OPCML: variants seen among roughly 807,000 people sequenced by gnomAD.
OPCML encodes opioid binding protein/cell adhesion molecule like.
A neutral mutation model predicts 37.8 loss-of-function variants in OPCML; 13 were observed. That is an observed-to-expected ratio of 0.34 (90% CI 0.22 to 0.55). The LOEUF is 0.55. Among genes scored for constraint, OPCML ranks in the 20% least tolerant of loss-of-function variants. OPCML has a pLI of 0.91. For missense variants in OPCML, 341 were observed against 435.6 expected, an observed-to-expected ratio of 0.78 and a Z score of 1.93; for synonymous variants, 176 against 168.8, an observed-to-expected ratio of 1.04 and a Z score of -0.33.
At chr11:132,836,824 G>A (rs1041360336) in intron 2 of OPCML, among the ~76,000 whole-genome samples, 1 of 152,140 alleles carries the variant, frequency 6.6e-6, no homozygotes, top group African/African-American at 2.4e-5. Flanking sequence ...GCAGGGGGTG[G>A]TGCTGTGAGT....
chr11:133,145,941 G>A (rs560827126), intron 1 of OPCML, among the ~76,000 whole-genome samples: 12 of 152,240 alleles, frequency 7.9e-5, no homozygotes, highest in East Asian at 5.8e-4. Context: ...TTACACTGGC[G>A]AATACCTTAC....
chr11:132,668,496 A>G (rs191294771), intron 2 of OPCML, among the ~76,000 whole-genome samples: 45 of 152,290 alleles, frequency 3.0e-4, no homozygotes, highest in African/African-American at 1.0e-3. Context: ...ACACAGTGCT[A>G]TTATGAGGAC....
chr11:132,470,133 C>G (rs530502945), intron 4 of OPCML, among the ~76,000 whole-genome samples: 1 of 152,124 alleles, frequency 6.6e-6, no homozygotes, highest in East Asian at 1.9e-4. Flanking sequence ...TAAAAGATGA[C>G]TACTGAATAG....
chr11:132,439,711 T>C (rs2096025750), intron 4 of OPCML, among the ~76,000 whole-genome samples: 2 of 146,580 alleles, frequency 1.4e-5, no homozygotes, highest in Non-Finnish European at 3.0e-5. Context: ...TTTTTTTTTT[T>C]TCCTGAAAGA....
At chr11:133,470,688 A>G (rs1254874832) in intron 1 of OPCML, among the ~76,000 whole-genome samples, 1 of 152,190 alleles carries the variant, frequency 6.6e-6, no homozygotes, top group Non-Finnish European at 1.5e-5. Flanking sequence ...TGATCTTTCT[A>G]TTGCACTTTG....
chr11:133,219,734 G>A (rs1159011865), intron 1 of OPCML, among the ~76,000 whole-genome samples: 1 of 152,154 alleles, frequency 6.6e-6, no homozygotes, highest in Non-Finnish European at 1.5e-5. Context: ...TTCTCAAGCG[G>A]GGACAACTGT....
At chr11:132,883,853 A>G (rs1383684834) in intron 2 of OPCML, among the ~76,000 whole-genome samples, 2 of 152,222 alleles carry the variant, frequency 1.3e-5, no homozygotes, top group African/African-American at 4.8e-5. Context: ...TGAACTGGAG[A>G]GGCAAAACTG....
intron 1 of OPCML, among the ~76,000 whole-genome samples, chr11:133,010,595 A>T (rs1947195528): frequency 6.6e-6 from 1 of 152,236 alleles, no homozygotes; most frequent in Non-Finnish European, 1.5e-5. Flanking sequence ...GGAAGTCTTT[A>T]GTGATAACTT....
chr11:132,571,196 C>T (rs2096437594), intron 3 of OPCML, among the ~76,000 whole-genome samples: 1 of 152,010 alleles, frequency 6.6e-6, no homozygotes, highest in South Asian at 2.1e-4. Context: ...TGGGACTTAA[C>T]ACCAGTGGTT....
At chr11:132,790,402 T>C (rs952591869) in intron 2 of OPCML, among the ~76,000 whole-genome samples, 14 of 152,232 alleles carry the variant, frequency 9.2e-5, no homozygotes, top group African/African-American at 3.4e-4. Context: ...TTTTAGGTGA[T>C]AGAAATTTTA....
chr11:132,795,682 T>A (rs965303926), intron 2 of OPCML, among the ~76,000 whole-genome samples: 1 of 152,194 alleles, frequency 6.6e-6, no homozygotes, highest in Non-Finnish European at 1.5e-5. Context: ...CAATAGCATG[T>A]TTTTGTGACT....
chr11:132,690,005 G>A (rs1943334099), intron 2 of OPCML, among the ~76,000 whole-genome samples: 2 of 152,192 alleles, frequency 1.3e-5, no homozygotes, highest in Non-Finnish European at 2.9e-5. Context: ...TTCTAAACAA[G>A]TTTCGTGGAC....
At chr11:132,890,423 G>A (rs912198028) in intron 2 of OPCML, among the ~76,000 whole-genome samples, 2 of 152,292 alleles carry the variant, frequency 1.3e-5, no homozygotes, top group Middle Eastern at 3.4e-3. Context: ...CCGGAGAAGT[G>A]AAGAAGCAGA....
intron 3 of OPCML, among the ~76,000 whole-genome samples, chr11:132,596,991 C>A (rs1173035084): frequency 4.6e-5 from 7 of 152,152 alleles, no homozygotes; most frequent in Admixed American, 2.0e-4. Flanking sequence ...CCACCCTCAC[C>A]CCCAACCTAC....
intron 4 of OPCML, among the ~76,000 whole-genome samples, chr11:132,489,533 T>C (rs779747439): frequency 4.6e-5 from 7 of 152,298 alleles, no homozygotes; most frequent in East Asian, 3.9e-4. Flanking sequence ...GGTTGGGCTA[T>C]ACCAGTGTCA....
In OPCML at chr11:133,174,301, G is replaced by A. The variant is rs1012446978; in HGVS notation, c.62-231291C>T. On this transcript the variant is annotated intron_variant, in intron 1 of 7. Transcript: ENST00000524381. The surrounding 1 kb of genome is among the most constrained non-coding windows in gnomAD (Gnocchi z 4.6). ...CCAAACGTAGAGACCTGGAGAGAGAGGACAGGGGCCTCGCATGAACCTAGG... is the reference window on the plus strand; with the variant it reads ...CCAAACGTAGAGACCTGGAGAGAGAAGACAGGGGCCTCGCATGAACCTAGG... 1.3e-5 allele frequency among the ~76,000 whole-genome samples: 2 copies of A among 152,156 alleles called. No homozygotes were observed. Among genetic ancestry groups the A allele is most frequent in the Non-Finnish European group, 2.9e-5 (2 of 68,030 alleles).
At chr11:133,255,385 T>C (rs1366515190) in intron 1 of OPCML, among the ~76,000 whole-genome samples, 1 of 152,174 alleles carries the variant, frequency 6.6e-6, no homozygotes, top group African/African-American at 2.4e-5. Context: ...AGGTGTTATT[T>C]GGGTTTATTT....
intron 2 of OPCML, among the ~76,000 whole-genome samples, chr11:132,701,225 C>T (rs765922174): frequency 2.6e-5 from 4 of 152,174 alleles, no homozygotes; most frequent in Admixed American, 6.5e-5. Flanking sequence ...AGAGCTAGTG[C>T]AGGAGAACTC....
chr11:133,229,320 A>G (rs1302863962), intron 1 of OPCML, among the ~76,000 whole-genome samples: 1 of 152,154 alleles, frequency 6.6e-6, no homozygotes, highest in Non-Finnish European at 1.5e-5. Context: ...TGAAAATATT[A>G]TTTGGAAAAT....
Sources: allele counts gnomAD v4.1 joint callset (sites outside exome capture counted in the v4.1 genomes callset), GRCh38; gene constraint gnomAD v4.1.1; non-coding constraint Gnocchi (gnomAD v3.1); transcripts MANE v1.5; gene names NCBI Gene and HGNC (gene_info 2026-07-23, HGNC 2026-07-21).